Variants in XRCC4 observed in about 807,000 individuals in gnomAD.
XRCC4 encodes DNA repair protein XRCC4.
Under a neutral mutation model 39.1 loss-of-function variants are expected in XRCC4, and 28 were observed. The ratio of observed to expected loss-of-function variants is 0.72; its 90% CI spans 0.53 to 0.98. The LOEUF (loss-of-function observed/expected upper bound fraction) is 0.98, where lower values mean the gene tolerates loss of function less well. XRCC4 is among the 50% of genes least tolerant of loss of function. The pLI is 0.00. For missense variants in XRCC4, 350 were observed against 376.4 expected, an observed-to-expected ratio of 0.93 and a Z score of 0.58; for synonymous variants, 123 against 126.4, an observed-to-expected ratio of 0.97 and a Z score of 0.18.
chr5:83,088,340 A>G (rs1240423146), intron 1 of XRCC4, among the ~76,000 whole-genome samples: 3 of 152,196 alleles, frequency 2.0e-5, no homozygotes, highest in African/African-American at 4.8e-5. Flanking sequence ...AAGTTTCTGG[A>G]GAGAAAGTGT....
intron 1 of XRCC4, among the ~76,000 whole-genome samples, chr5:83,092,892 A>G (rs1012772691): frequency 4.6e-4 from 70 of 152,142 alleles, no homozygotes; most frequent in African/African-American, 1.5e-3. Flanking sequence ...AGAAAAAAAG[A>G]CCCAATGATA....
At position 83,104,928 on chromosome 5, in the gene XRCC4, A is replaced by G; in HGVS notation, c.9A>G (p.Arg3=). 6.2e-7 allele frequency: 1 copy of G among 1,613,134 alleles called. No individual in the cohort carries two copies. Among genetic ancestry groups the G allele is most frequent in the Non-Finnish European group, 8.5e-7 (1 of 1,179,380 alleles). ...ATTACAGGTATTAAGAAATGGAGAG[A>G]AAAATAAGCAGAATCCACCTTGTTT... ME[R]KISRIHLVSE... Residue 3 remains arginine, a synonymous_variant, in exon 2 of 8, where the codon AGA becomes AGG. Transcript: ENST00000396027.
intron 7 of XRCC4, among the ~76,000 whole-genome samples, chr5:83,309,008 G>A (rs1423952491): frequency 6.6e-6 from 1 of 151,862 alleles, no homozygotes; most frequent in South Asian, 2.1e-4. Flanking sequence ...AGCCCAGCAC[G>A]GTGGCTCACG....
At chr5:83,345,006 G>A (rs1277847936) in intron 7 of XRCC4, among the ~76,000 whole-genome samples, 1 of 152,068 alleles carries the variant, frequency 6.6e-6, no homozygotes, top group Non-Finnish European at 1.5e-5. Context: ...ATGAAGTTGA[G>A]CTTATTATCA....
At chr5:83,371,021 T>C in the XRCC4 span, among the ~76,000 whole-genome samples, 3 of 152,194 alleles carry the variant, frequency 2.0e-5, no homozygotes, top group Non-Finnish European at 1.5e-5. Context: ...GGTGCCTCCT[T>C]ACTCCAGTGA....
intron 6 of XRCC4, among the ~76,000 whole-genome samples, chr5:83,238,123 C>T (rs1178049654): frequency 2.0e-5 from 3 of 152,128 alleles, no homozygotes; most frequent in Non-Finnish European, 1.5e-5. Flanking sequence ...CTATCATGCC[C>T]AGCTTCTTCT....
chr5:83,359,499 C>T, the XRCC4 span, among the ~76,000 whole-genome samples: 1 of 152,116 alleles, frequency 6.6e-6, no homozygotes, highest in Non-Finnish European at 1.5e-5. Context: ...AATTTGCACA[C>T]AGAAGCAGAG....
chr5:83,126,582 C>T (rs1166930397), intron 3 of XRCC4, among the ~76,000 whole-genome samples: 1 of 152,082 alleles, frequency 6.6e-6, no homozygotes. Flanking sequence ...AAGTCAATGC[C>T]CAGGGGAACT....
chr5:83,274,540 AAG>A (rs1754258228), intron 7 of XRCC4, among the ~76,000 whole-genome samples: 1 of 152,222 alleles, frequency 6.6e-6, no homozygotes, highest in Non-Finnish European at 1.5e-5. Flanking sequence ...ACAAGTGAAA[AAG>A]AATAAATAAA....
intron 3 of XRCC4, among the ~76,000 whole-genome samples, chr5:83,176,512 A>G (rs1749964471): frequency 6.6e-6 from 1 of 152,170 alleles, no homozygotes; most frequent in Non-Finnish European, 1.5e-5. Context: ...AGTATGTGGT[A>G]GTTACTTTCT....
At chr5:83,147,511 A>G (rs957160621) in intron 3 of XRCC4, among the ~76,000 whole-genome samples, 5 of 152,170 alleles carry the variant, frequency 3.3e-5, no homozygotes, top group African/African-American at 1.2e-4. Context: ...AGTTGAACTC[A>G]TGGAAGCAGA....
chr5:83,363,153 G>A, the XRCC4 span, among the ~76,000 whole-genome samples: 6 of 152,088 alleles, frequency 3.9e-5, no homozygotes, highest in African/African-American at 9.7e-5. Context: ...TGGGAGAAGC[G>A]GCCATGCCCA....
intron 1 of XRCC4, among the ~76,000 whole-genome samples, chr5:83,085,178 G>GTTA (rs1318411402): frequency 1.3e-5 from 2 of 152,128 alleles, no homozygotes; most frequent in Non-Finnish European, 2.9e-5. Flanking sequence ...AATTTTATTG[G>GTTA]ATAAAGAAGG....
intron 4 of XRCC4, chr5:83,201,201 C>T (rs1751178393): frequency 6.6e-6 from 1 of 152,188 alleles, no homozygotes; most frequent in African/African-American, 2.4e-5. Context: ...CTTGGCTCTT[C>T]TTCTTTGCTG....
At chr5:83,143,876 C>T (rs10042854) in intron 3 of XRCC4, among the ~76,000 whole-genome samples, 73,205 of 151,544 alleles carry the variant, frequency 0.48, 18,625 homozygotes, top group African/African-American at 0.63. Context: ...TTTAGCAGCT[C>T]GACTATGATG....
chr5:83,259,812 T>G (rs1319753053), intron 7 of XRCC4, among the ~76,000 whole-genome samples: 1 of 143,270 alleles, frequency 7.0e-6, no homozygotes, highest in African/African-American at 3.0e-5. Flanking sequence ...TCAAAACTCT[T>G]GAGACCCTCA....
At chr5:83,270,759 GA>G (rs145444849) in intron 7 of XRCC4, among the ~76,000 whole-genome samples, 30 of 140,004 alleles carry the variant, frequency 2.1e-4, no homozygotes, top group East Asian at 8.2e-4. Context: ...TCATTTTTTC[GA>G]AAAAAAAAAT....
intron 7 of XRCC4, among the ~76,000 whole-genome samples, chr5:83,273,518 A>C (rs1409745491): frequency 6.6e-6 from 1 of 152,118 alleles, no homozygotes; most frequent in Admixed American, 6.5e-5. Context: ...GGTATTGCCT[A>C]GGTTTTCTTC....
chr5:83,131,197 A>T lies in XRCC4; in HGVS notation c.315+19994A>T, dbSNP rs28745328. 9.1e-3 allele frequency among the ~76,000 whole-genome samples: 1,382 copies of T among 152,284 alleles called. 16 individuals carry two copies. The highest frequency in any genetic ancestry group is 0.03 in the African/African-American group (1,263 of 41,570). ...TTTGTTCTCATTGGTTTCAAAGAAC[A>T]TCTTTATTTCTGCCTTCATTTTGTT... is the stretch of plus-strand genomic sequence containing the variant. On this transcript the variant is annotated intron_variant, in intron 3 of 7. Coordinates refer to ENST00000396027, the MANE Select transcript of XRCC4 (RefSeq NM_003401.5).
Sources: gnomAD v4.1 joint callset for allele counts (sites outside exome capture counted in the v4.1 genomes callset) on GRCh38, gnomAD v4.1.1 for gene constraint, MANE v1.5 for transcripts, NCBI Gene and HGNC (gene_info 2026-07-23, HGNC 2026-07-21) for gene names.